ALG6: variants seen among roughly 807,000 people sequenced by gnomAD.
ALG6 encodes dolichyl pyrophosphate Man9GlcNAc2 alpha-1,3-glucosyltransferase.
Under a neutral mutation model 66.6 loss-of-function variants are expected in ALG6, and 46 were observed. The ratio of observed to expected loss-of-function variants is 0.69; its 90% CI spans 0.55 to 0.88. The LOEUF is 0.88. Among genes scored for constraint, ALG6 ranks in the 40% least tolerant of loss-of-function variants. The probability of loss-of-function intolerance (pLI) is 0.00; values close to 1 mark genes in which losing one functional copy is unlikely to be tolerated. For missense variants in ALG6, 505 were observed against 586.8 expected, an observed-to-expected ratio of 0.86 and a Z score of 1.44; for synonymous variants, 185 against 203.7, an observed-to-expected ratio of 0.91 and a Z score of 0.78.
chr1:63,376,030 G>A (rs1648112819), intron 2 of ALG6, among the ~76,000 whole-genome samples: 5 of 150,670 alleles, frequency 3.3e-5, no homozygotes, highest in Admixed American at 2.6e-4. Context: ...AATTTTATTA[G>A]TACAGTCATG....
chr1:63,406,217 T>C, intron 5 of ALG6, 100 bp from the exon 6 acceptor site: 1 of 1,054,200 alleles, frequency 9.5e-7, no homozygotes, highest in South Asian at 1.3e-5. Flanking sequence ...GCAAGAACCT[T>C]GTGTTAATGA....
Position 63,374,189 on chromosome 1 carries a change from G to A in ALG6, c.82+3130G>A, listed in dbSNP as rs77994687. 4.3e-3 allele frequency among the ~76,000 whole-genome samples: 656 copies of A among 152,238 alleles called. 3 individuals carry two copies. Among genetic ancestry groups the A allele is most frequent in the African/African-American group, 0.015 (605 of 41,536 alleles). ...CTCTGTGGCTTCTGAATGAGTTCGA[G>A]GAATATGGAGGAAGTAAAATCACTT... On this transcript the variant is annotated intron_variant, in intron 2 of 14. Transcript: ENST00000263440.
At chr1:63,408,089 A>T (rs1644499101) in intron 7 of ALG6, among the ~76,000 whole-genome samples, 1 of 152,140 alleles carries the variant, frequency 6.6e-6, no homozygotes, top group Non-Finnish European at 1.5e-5. Context: ...CAGCTCAGTG[A>T]GTTGGCAAAC....
chr1:63,416,319 C>CG (rs929861896), intron 11 of ALG6, among the ~76,000 whole-genome samples: 1 of 151,542 alleles, frequency 6.6e-6, no homozygotes, highest in Non-Finnish European at 1.5e-5. Flanking sequence ...GATATTATCT[C>CG]GGGGGGAGAT....
chr1:63,408,622 A>T (rs1020289350), intron 7 of ALG6, among the ~76,000 whole-genome samples: 2 of 152,234 alleles, frequency 1.3e-5, no homozygotes, highest in Admixed American at 6.5e-5. Flanking sequence ...TAAGACTCTC[A>T]TAACAATGGT....
rs754383099 is a variant in ALG6, at chr1:63,436,885, T to A, written c.1389T>A (p.Pro463=). The part of the protein sequence containing the change: ...LTLMTVTLDP[P]QKLPDLFSVL... ...TGATGACTGTCACACTGGATCCTCC[T>A]CAGAAACTACCGGACTTGTTTTCTG... is the stretch of plus-strand genomic sequence containing the variant. The change falls in exon 15 of 15, where the codon CCT becomes CCA. Residue 463 remains proline, a synonymous_variant. Coordinates refer to ENST00000263440, the MANE Select transcript of ALG6 (RefSeq NM_013339.4). 1 of 1,613,908 alleles carries A rather than the reference T, an allele frequency of 6.2e-7. No individual in the cohort carries two copies. The highest frequency in any genetic ancestry group is 8.5e-7 in the Non-Finnish European group (1 of 1,179,820).
chr1:63,373,657 C>CTTTTT (rs1557578257), intron 2 of ALG6, among the ~76,000 whole-genome samples: 6 of 114,812 alleles, frequency 5.2e-5, no homozygotes, highest in Non-Finnish European at 9.0e-5. Context: ...ATTTAATTTA[C>CTTTTT]ATTTTTTTTT....
intron 2 of ALG6, among the ~76,000 whole-genome samples, chr1:63,394,473 G>A (rs960991369): frequency 1.3e-4 from 19 of 151,892 alleles, no homozygotes; most frequent in Admixed American, 1.1e-3. Flanking sequence ...TCTGCCTCTC[G>A]GGTTCAAGTG....
chr1:63,378,517 T>C (rs1570035055), intron 2 of ALG6, among the ~76,000 whole-genome samples: 1 of 152,160 alleles, frequency 6.6e-6, no homozygotes, highest in East Asian at 1.9e-4. Flanking sequence ...TTTTCTTCCT[T>C]TTAGAACTCT....
chr1:63,393,279 C>A (rs891649804), intron 2 of ALG6, among the ~76,000 whole-genome samples: 1 of 152,132 alleles, frequency 6.6e-6, no homozygotes, highest in African/African-American at 2.4e-5. Context: ...TTGGGGAATT[C>A]TTTTCTTAAA....
Position 63,404,441 on chromosome 1 carries a change from T to C in ALG6, c.258-12T>C. 6.2e-7 allele frequency: 1 copy of C among 1,608,502 alleles called. No individual in the cohort carries two copies. Among genetic ancestry groups the C allele is most frequent in the Non-Finnish European group, 8.5e-7 (1 of 1,174,906 alleles). ...AGGAATGAAGTATCTGTATATATGC[T>C]TTGATTTGCAGGGCAAAGTTTATAA... On this transcript the variant is annotated splice_polypyrimidine_tract_variant and intron_variant, in intron 4 of 14. Transcript: ENST00000263440.
chr1:63,414,657 G>C (rs1644533421), intron 10 of ALG6, among the ~76,000 whole-genome samples: 1 of 152,166 alleles, frequency 6.6e-6, no homozygotes, highest in Non-Finnish European at 1.5e-5. Flanking sequence ...TTGTTACCTT[G>C]TTCTCTCCTT....
rs919388895 is a variant in ALG6, at chr1:63,391,255, A to G, written c.83-5258A>G. 5.3e-5 allele frequency among the ~76,000 whole-genome samples: 8 copies of G among 152,342 alleles called. 1 individual carries two copies. In the East Asian group the frequency reaches 1.2e-3, roughly 22 times the overall value. On this transcript the variant is annotated intron_variant, in intron 2 of 14. Transcript: ENST00000263440. ...AAAGACAGATTAACAAGACAAAAAC[A>G]TAACGCATTTATTGAATATAAGTTT...
At chr1:63,413,219 GT>G (rs1158354900) in intron 9 of ALG6, among the ~76,000 whole-genome samples, 2 of 152,152 alleles carry the variant, frequency 1.3e-5, no homozygotes, top group Admixed American at 6.6e-5. Flanking sequence ...TTGGAAAATT[GT>G]TTTCCTAACC....
At chr1:63,391,203 T>C (rs1039670471) in intron 2 of ALG6, among the ~76,000 whole-genome samples, 2 of 152,222 alleles carry the variant, frequency 1.3e-5, no homozygotes, top group African/African-American at 4.8e-5. Flanking sequence ...TCTGTCCTTC[T>C]AGGTTCTCTA....
intron 2 of ALG6, among the ~76,000 whole-genome samples, chr1:63,374,911 T>G (rs1648066448): frequency 6.6e-6 from 1 of 152,152 alleles, no homozygotes; most frequent in African/African-American, 2.4e-5. Context: ...TGTAAATACA[T>G]ACTACATAAA....
At chr1:63,400,340 T>C (rs71643675) in intron 3 of ALG6, among the ~76,000 whole-genome samples, 11,011 of 38,836 alleles carry the variant, frequency 0.28, 4,312 homozygotes, top group East Asian at 0.57. Flanking sequence ...TATATACGTA[T>C]ATATATATGT....
intron 14 of ALG6, among the ~76,000 whole-genome samples, chr1:63,430,384 C>T (rs1644639587): frequency 6.6e-6 from 1 of 152,084 alleles, no homozygotes; most frequent in South Asian, 2.1e-4. Flanking sequence ...GTATTGAGTG[C>T]ACATATGTTT....
rs772957444 is a variant in ALG6, at chr1:63,436,861, G to C, written c.1365G>C (p.Leu455Phe). ...TCATCACTATGGTGCTTCTGACGTT[G>C]ATGACTGTCACACTGGATCCTCCTC... Reference protein sequence around the residue: ...ISVITMVLLTLMTVTLDPPQK... With the variant: ...ISVITMVLLTFMTVTLDPPQK... The change falls in exon 15 of 15, where the codon TTG (leucine) becomes TTC (phenylalanine). Residue 455 changes from leucine (L) to phenylalanine (F), a missense_variant. Coordinates refer to ENST00000263440, the MANE Select transcript of ALG6 (RefSeq NM_013339.4). The C allele has an allele frequency of 6.2e-7, 1 of 1,613,718 alleles. No homozygotes were observed. Among genetic ancestry groups the C allele is most frequent in the Non-Finnish European group, 8.5e-7 (1 of 1,179,746 alleles).
Sources: gnomAD v4.1 joint callset for allele counts (sites outside exome capture counted in the v4.1 genomes callset) on GRCh38, gnomAD v4.1.1 for gene constraint, MANE v1.5 for transcripts, NCBI Gene and HGNC (gene_info 2026-07-23, HGNC 2026-07-21) for gene names.